MTHFSD: variants seen among roughly 807,000 people sequenced by gnomAD.
The protein encoded by MTHFSD is methenyltetrahydrofolate synthetase domain containing.
In MTHFSD, 37 loss-of-function variants were observed where a neutral mutation model predicts 31.1. The observed-to-expected ratio is 1.19, with a 90% CI of 0.91 to 1.56. The LOEUF (loss-of-function observed/expected upper bound fraction) is 1.56. Among genes scored for constraint, MTHFSD ranks in the 40% most tolerant of loss-of-function variants. MTHFSD has a pLI of 0.00. For missense variants in MTHFSD, 664 were observed against 510.1 expected (o/e 1.30, Z -2.91); for synonymous variants, 221 against 206.9 (o/e 1.07, Z -0.59).
Position 86,554,680 on chromosome 16 carries a change from GA to G in MTHFSD, c.87del (p.Arg31AspfsTer23). On this transcript the variant is annotated frameshift_variant, in exon 2 of 8. Coordinates refer to ENST00000360900, the MANE Select transcript of MTHFSD (RefSeq NM_001159377.2). LOFTEE classifies it high-confidence loss of function. ...GYMESQNLAD[F>X]PRPVHHRIPN... is the part of the protein sequence containing the mutation. Reference sequence around the variant, plus strand: ...GGTATCCTGTGATGAACAGGTCGGGGAAAGTCAGCTAAATTTTGTGATTCCA... The same window carrying G: ...GGTATCCTGTGATGAACAGGTCGGGGAAGTCAGCTAAATTTTGTGATTCCA... 1 of 1,614,176 alleles carries G rather than the reference GA, an allele frequency of 6.2e-7. No individual in the cohort carries two copies. The highest frequency in any genetic ancestry group is 8.5e-7 in the Non-Finnish European group (1 of 1,180,022).
rs577129060 is a variant in MTHFSD at position 86,555,166 on chromosome 16, C to A, written c.16+3G>T. ...CGCCCCGGAGCCCCGCCAGGCCCCC[C>A]ACCTGCCCTCGGCTCCATGGTGATG... On this transcript the variant is annotated splice_donor_region_variant and intron_variant, in intron 1 of 7. Transcript: ENST00000360900. 125 of 1,536,658 alleles carry A rather than the reference C, an allele frequency of 8.1e-5. 1 individual carries two copies. Among genetic ancestry groups the A allele is most frequent in the Admixed American group, 2.0e-4 (10 of 51,034 alleles).
chr16:86,536,665 A>G (rs572586527), intron 7 of MTHFSD, among the ~76,000 whole-genome samples: 12 of 152,354 alleles, frequency 7.9e-5, no homozygotes, highest in African/African-American at 2.6e-4. Context: ...TATTTAGTAA[A>G]AAACATTTCT....
chr16:86,548,186 G>C (rs1487992608), intron 4 of MTHFSD: 1 of 1,168,474 alleles, frequency 8.6e-7, no homozygotes, highest in East Asian at 4.8e-5. Context: ...CAGTGCCAGA[G>C]AACCAGATCA....
At position 86,542,115 on chromosome 16, in the gene MTHFSD, C is replaced by T. The variant is rs769433175; in HGVS notation, c.541G>A (p.Val181Ile). The T allele has an allele frequency of 4.8e-5, 77 of 1,613,286 alleles. No individual in the cohort carries two copies. The highest frequency in any genetic ancestry group is 6.1e-5 in the Non-Finnish European group (72 of 1,179,910). The change falls in exon 6 of 8, where the codon GTC becomes ATC. Residue 181 changes from valine to isoleucine, a missense_variant. Physicochemically the swap from Val to Ile is conservative, Grantham distance 29. Coordinates refer to ENST00000360900, the MANE Select transcript of MTHFSD (RefSeq NM_001159377.2). The surrounding 1 kb of genome is among the most constrained non-coding windows in gnomAD (Gnocchi z 4.6). ...VSKETPVVTI[V>I]HDCQVVDIPE... The stretch of plus-strand genomic sequence containing the variant: ...ATAAGGAGCACCTGGCAGTCGTGGA[C>T]GATGGTGACCACCGGCGTCTCCTTG...
chr16:86,545,311 T>C (rs1972130290), intron 5 of MTHFSD, among the ~76,000 whole-genome samples: 2 of 152,184 alleles, frequency 1.3e-5, no homozygotes, highest in African/African-American at 4.8e-5. Context: ...GGAAGACTTA[T>C]GGTGCAGCTT....
Position 86,532,159 on chromosome 16 carries a change from C to G in MTHFSD, c.1004G>C (p.Arg335Pro), listed in dbSNP as rs758667404. 3.2e-6 allele frequency: 5 copies of G among 1,567,790 alleles called. No homozygotes were observed. The South Asian group carries it at 5.9e-5, about 18-fold the overall frequency. The part of the protein sequence containing the change: ...ALRELGSVPL[R>P]LTWQGPRRRA... ...GCGCCGCGGGCCCTGCCAGGTGAGC[C>G]GCAGGGGCACGGAGCCGAGTTCCCG... is the stretch of plus-strand genomic sequence containing the variant. Residue 335 changes from arginine to proline, a missense_variant, in exon 8 of 8, where the codon CGG (arginine) becomes CCG (proline). Coordinates refer to ENST00000360900, the MANE Select transcript of MTHFSD (RefSeq NM_001159377.2).
chr16:86,534,507 G>T (rs1970408871), intron 7 of MTHFSD, among the ~76,000 whole-genome samples: 1 of 152,128 alleles, frequency 6.6e-6, no homozygotes, highest in Non-Finnish European at 1.5e-5. Context: ...GGAAGAATGA[G>T]AACGACCTAA....
chr16:86,554,843 T>C, intron 1 of MTHFSD, 92 bp from the exon 2 acceptor site: 1 of 1,198,030 alleles, frequency 8.3e-7, no homozygotes, highest in Non-Finnish European at 1.2e-6. Context: ...CCCCCGCGTG[T>C]AGGTCAAACC....
rs190471264 is a variant in MTHFSD, at chr16:86,551,221, A to G, written c.237+812T>C. Among the ~76,000 whole-genome samples, 342 of 152,322 alleles carry G rather than the reference A, an allele frequency of 2.2e-3. 5 individuals are homozygous for G. Among genetic ancestry groups the G allele is most frequent in the Non-Finnish European group, 3.2e-4 (22 of 68,034 alleles). The stretch of plus-strand genomic sequence containing the variant: ...CCAAGTTTTATGTTTATCATATTGA[A>G]TTAGTTTATAATAAACTAATTTAAA... On this transcript the variant is annotated intron_variant, in intron 3 of 7. Coordinates refer to ENST00000360900, the MANE Select transcript of MTHFSD (RefSeq NM_001159377.2).
Position 86,532,215 on chromosome 16 carries a change from G to A in MTHFSD, c.948C>T (p.Asp316=), listed in dbSNP as rs753102249. ...CTCTCTTCAGGTCACTCACACGGGC[G>A]TCCCCGGGGAGGTTCCCAACGTAAA... ...ADVYVGNLPG[D]ARVSDLKRAL... is the part of the protein sequence containing the mutation. Residue 316 remains aspartate (D), a synonymous_variant, in exon 8 of 8, where the codon GAC becomes GAT. Transcript: ENST00000360900. The A allele has an allele frequency of 5.7e-6, 9 of 1,581,204 alleles. No individual in the cohort carries two copies. The highest frequency in any genetic ancestry group is 1.8e-5 in the Admixed American group (1 of 55,474).
chr16:86,532,393 C>T lies in MTHFSD; in HGVS notation c.770G>A (p.Gly257Asp). ...TGGTTCCGGAAGGTGCTGGTGCTCA[C>T]CCTGGAGGGTGACATCCTTCCCAGC... ...QQAGKDVTLQ[G>D]EHQHLPEPGC... Residue 257 changes from glycine (G) to aspartate (D), a missense_variant, in exon 8 of 8, where the codon GGT becomes GAT. By Grantham distance (94) the Gly-to-Asp change is moderately conservative. Transcript: ENST00000360900. 6.5e-7 allele frequency: 1 copy of T among 1,546,226 alleles called. No homozygotes were observed. The highest frequency in any genetic ancestry group is 8.7e-7 in the Non-Finnish European group (1 of 1,148,168).
chr16:86,535,957 C>G (rs1970634928), intron 7 of MTHFSD, among the ~76,000 whole-genome samples: 1 of 152,142 alleles, frequency 6.6e-6, no homozygotes, highest in Admixed American at 6.5e-5. Context: ...TCCAAGTAAT[C>G]CTTCTGGCTT....
In MTHFSD at chr16:86,546,598, C is replaced by T; in HGVS notation, c.403G>A (p.Asp135Asn). 1 of 1,614,026 alleles carries T rather than the reference C, an allele frequency of 6.2e-7. No homozygotes were observed. The highest frequency in any genetic ancestry group is 8.5e-7 in the Non-Finnish European group (1 of 1,180,030). Residue 135 changes from aspartate to asparagine, a missense_variant, in exon 5 of 8, where the codon GAT (aspartate) becomes AAT (asparagine). By Grantham distance (23) the Asp-to-Asn change is conservative. Coordinates refer to ENST00000360900, the MANE Select transcript of MTHFSD (RefSeq NM_001159377.2). ...PIGLDSRVLV[D>N]LVVVGSVAVS... ...GCGACGGATCCCACCACAACTAAATCCACGAGGACTCTGGAGTCCAAGCCT... is the reference window on the plus strand; with the variant it reads ...GCGACGGATCCCACCACAACTAAATTCACGAGGACTCTGGAGTCCAAGCCT...
Position 86,552,035 on chromosome 16 carries a change from G to C in MTHFSD, c.235C>G (p.Gln79Glu), listed in dbSNP as rs781188041. 143 of 1,614,046 alleles carry C rather than the reference G, an allele frequency of 8.9e-5. 1 individual carries two copies. The highest frequency in any genetic ancestry group is 1.2e-4 in the Non-Finnish European group (139 of 1,180,052). ...TCGGCTCAGGGAAGTGGAATTACCT[G>C]CAGCACCAGCAGCCGAACGCCTTCC... ...PLEGVRLLVLQSKKTLLVPTP... is the reference protein window; with the variant it reads ...PLEGVRLLVLESKKTLLVPTP... The change falls in exon 3 of 8, where the codon CAG (glutamine) becomes GAG (glutamate). Residue 79 changes from glutamine to glutamate, a missense_variant and splice_region_variant. Physicochemically the swap from Gln to Glu is conservative, Grantham distance 29 (BLOSUM62 2). Coordinates refer to ENST00000360900, the MANE Select transcript of MTHFSD (RefSeq NM_001159377.2).
chr16:86,541,463 C>G (rs960426681), intron 7 of MTHFSD: 5 of 648,474 alleles, frequency 7.7e-6, no homozygotes, highest in Non-Finnish European at 1.3e-5. Context: ...CTGCCATCTA[C>G]AGAGGCAGAT....
At chr16:86,535,340 G>A (rs1970540657) in intron 7 of MTHFSD, 4 of 215,818 alleles carry the variant, frequency 1.9e-5, no homozygotes, top group African/African-American at 2.0e-4. Flanking sequence ...TGGCTGTGGG[G>A]CGGCTTTGCC....
At chr16:86,535,026 G>A (rs113570099) in intron 7 of MTHFSD, among the ~76,000 whole-genome samples, 9,145 of 152,262 alleles carry the variant, frequency 0.06, 877 homozygotes, top group African/African-American at 0.21. Context: ...GGGGTTCTGC[G>A]GCAGAAATCT....
At chr16:86,539,314 G>C (rs1444896159) in intron 7 of MTHFSD, among the ~76,000 whole-genome samples, 1 of 152,218 alleles carries the variant, frequency 6.6e-6, no homozygotes, top group Non-Finnish European at 1.5e-5. Context: ...GGCTCAGTGA[G>C]CTACCCAGAA....
In MTHFSD at chr16:86,530,538, G is replaced by C. The variant is rs1969902584; in HGVS notation, c.*1473C>G. 1 of 152,024 alleles carries C rather than the reference G, an allele frequency of 6.6e-6. No individual in the cohort carries two copies. 9.4% of individuals were successfully genotyped at this position (152,024 alleles called of 1,614,324 possible). Reference sequence around the variant, plus strand: ...CCCACTGCCGGTGGGGCAGGGAGTGGAGAAGGGGGGCTGACTCACTTGCTC... The same window carrying C: ...CCCACTGCCGGTGGGGCAGGGAGTGCAGAAGGGGGGCTGACTCACTTGCTC... On this transcript the variant is annotated 3_prime_UTR_variant, in exon 8 of 8. Transcript: ENST00000360900.
Sources: allele counts gnomAD v4.1 joint callset (sites outside exome capture counted in the v4.1 genomes callset), GRCh38; gene constraint gnomAD v4.1.1; non-coding constraint Gnocchi (gnomAD v3.1); transcripts MANE v1.5; gene names NCBI Gene and HGNC (gene_info 2026-07-23, HGNC 2026-07-21).